REDIC1: variants seen among roughly 807,000 people sequenced by gnomAD.
REDIC1 encodes the protein regulator of DNA class I crossover intermediates 1.
the REDIC1 span, among the ~76,000 whole-genome samples, chr12:39,796,453 AC>A: frequency 2.0e-4 from 30 of 151,606 alleles, no homozygotes; most frequent in Non-Finnish European, 4.3e-4. Context: ...ACCTAAACAA[AC>A]AAAAAAAGAA....
At chr12:39,894,747 C>A in the REDIC1 span, among the ~76,000 whole-genome samples, 1 of 151,934 alleles carries the variant, frequency 6.6e-6, no homozygotes, top group African/African-American at 2.4e-5. Flanking sequence ...TGGTAAATAC[C>A]GGCTTTGGCT....
the REDIC1 span, among the ~76,000 whole-genome samples, chr12:39,895,812 GTA>G: frequency 3.7e-5 from 3 of 81,254 alleles, 1 homozygote; most frequent in African/African-American, 1.8e-4. Context: ...GCGTGTATAC[GTA>G]CACACATGTA....
At chr12:39,738,065 GA>G in the REDIC1 span, among the ~76,000 whole-genome samples, 3 of 152,108 alleles carry the variant, frequency 2.0e-5, no homozygotes, top group Non-Finnish European at 4.4e-5. Flanking sequence ...TTCCATGTTT[GA>G]AAAAAATTAA....
chr12:39,704,028 C>G, the REDIC1 span, among the ~76,000 whole-genome samples: 3 of 152,068 alleles, frequency 2.0e-5, no homozygotes, highest in South Asian at 6.2e-4. Context: ...AAGGTCATGT[C>G]TAAAACACCA....
At chr12:39,722,263 T>C in the REDIC1 span, among the ~76,000 whole-genome samples, 1 of 152,136 alleles carries the variant, frequency 6.6e-6, no homozygotes, top group African/African-American at 2.4e-5. Context: ...AGTAGCAATC[T>C]TCAGGTTTTT....
chr12:39,721,124 C>T, the REDIC1 span: 1 of 1,613,612 alleles, frequency 6.2e-7, no homozygotes, highest in Non-Finnish European at 8.5e-7. Flanking sequence ...TTAGATGTTG[C>T]CATACAGTGT....
the REDIC1 span, chr12:39,721,301 A>G: frequency 6.8e-7 from 1 of 1,472,426 alleles, no homozygotes; most frequent in Non-Finnish European, 9.3e-7. Context: ...CCCTTAGAAA[A>G]CAACAGTAAA....
the REDIC1 span, chr12:39,684,249 A>G: frequency 1.9e-5 from 19 of 984,548 alleles, no homozygotes; most frequent in Non-Finnish European, 2.3e-5. Context: ...CTGCAATTAT[A>G]AGTAACTAAA....
At chr12:39,804,229 C>A in the REDIC1 span, among the ~76,000 whole-genome samples, 1 of 151,800 alleles carries the variant, frequency 6.6e-6, no homozygotes, top group Non-Finnish European at 1.5e-5. Flanking sequence ...AAAATATCAA[C>A]AAAAAGAAAA....
At chr12:39,713,015 G>A in the REDIC1 span, among the ~76,000 whole-genome samples, 3 of 137,174 alleles carry the variant, frequency 2.2e-5, no homozygotes, top group Non-Finnish European at 4.7e-5. Flanking sequence ...ATATATACAT[G>A]TGTATATACG....
At chr12:39,848,902 T>A in the REDIC1 span, among the ~76,000 whole-genome samples, 1 of 152,196 alleles carries the variant, frequency 6.6e-6, no homozygotes, top group African/African-American at 2.4e-5. Flanking sequence ...GCTATCATCC[T>A]TAGCAAACTA....
the REDIC1 span, among the ~76,000 whole-genome samples, chr12:39,702,663 A>G: frequency 6.6e-6 from 1 of 152,354 alleles, no homozygotes; most frequent in Non-Finnish European, 1.5e-5. Flanking sequence ...ATCCTTGATG[A>G]ACATTGATGC....
chr12:39,678,132 A>G, the REDIC1 span, among the ~76,000 whole-genome samples: 1 of 152,156 alleles, frequency 6.6e-6, no homozygotes, highest in South Asian at 2.1e-4. Flanking sequence ...AGAAAAAACA[A>G]TACAAAAGAT....
At chr12:39,710,874 T>C in the REDIC1 span, among the ~76,000 whole-genome samples, 7 of 151,568 alleles carry the variant, frequency 4.6e-5, no homozygotes, top group African/African-American at 1.7e-4. Flanking sequence ...ACTCAATAAG[T>C]GTTTTTTTTT....
chr12:39,703,189 T>C, the REDIC1 span, among the ~76,000 whole-genome samples: 1 of 152,060 alleles, frequency 6.6e-6, no homozygotes, highest in South Asian at 2.1e-4. Context: ...ACAACCCCAT[T>C]GTCTCAGCCC....
the REDIC1 span, among the ~76,000 whole-genome samples, chr12:39,869,255 T>G: frequency 6.6e-6 from 1 of 152,078 alleles, no homozygotes; most frequent in Non-Finnish European, 1.5e-5. Context: ...GTTAACAAGG[T>G]TGTTGAATGG....
the REDIC1 span, among the ~76,000 whole-genome samples, chr12:39,654,035 C>T: frequency 6.7e-6 from 1 of 149,606 alleles, no homozygotes; most frequent in Non-Finnish European, 1.5e-5. Flanking sequence ...TTGTCAAGTG[C>T]TCCTTCCATG....
chr12:39,784,168 C>T, the REDIC1 span, among the ~76,000 whole-genome samples: 2 of 152,120 alleles, frequency 1.3e-5, no homozygotes, highest in African/African-American at 4.8e-5. Flanking sequence ...TTTATAGATT[C>T]AATGCCATCC....
At chr12:39,707,607 TAA>T in the REDIC1 span, among the ~76,000 whole-genome samples, 1 of 151,920 alleles carries the variant, frequency 6.6e-6, no homozygotes, top group Non-Finnish European at 1.5e-5. Context: ...GGAAGCAACC[TAA>T]GTGTCCATCA....
Sources: allele counts gnomAD v4.1 joint callset (sites outside exome capture counted in the v4.1 genomes callset), GRCh38; gene constraint gnomAD v4.1.1; transcripts MANE v1.5; gene names NCBI Gene and HGNC (gene_info 2026-07-23, HGNC 2026-07-21).